LMF1: variants seen among roughly 807,000 people sequenced by gnomAD.
LMF1 encodes the protein transmembrane protein 112.
A neutral mutation model predicts 60.6 loss-of-function variants in LMF1; 68 were observed. The observed-to-expected ratio is 1.12, with a 90% CI of 0.92 to 1.37. LMF1 has a LOEUF of 1.37. Among genes scored for constraint, LMF1 ranks in the 40% most tolerant of loss-of-function variants. The pLI, the probability that LMF1 is intolerant of heterozygous loss-of-function variation, is 0.00. For synonymous variants in LMF1, 418 were observed against 324.7 expected (o/e 1.29, Z -3.09); for missense variants, 948 against 767.2 (o/e 1.24, Z -2.78).
chr16:887,098 G>A (rs1426271361), intron 5 of LMF1: 3 of 152,004 alleles, frequency 2.0e-5, no homozygotes, highest in African/African-American at 7.2e-5. Flanking sequence ...CCACATTAGC[G>A]GGCCCCCATA....
intron 3 of LMF1, among the ~76,000 whole-genome samples, chr16:931,192 G>A (rs772628906): frequency 2.6e-5 from 4 of 152,110 alleles, no homozygotes; most frequent in Non-Finnish European, 5.9e-5. Context: ...CACATGAGGT[G>A]CAGCCAACGC....
intron 1 of LMF1, among the ~76,000 whole-genome samples, chr16:958,862 C>T (rs549787832): frequency 9.2e-5 from 14 of 151,728 alleles, no homozygotes; most frequent in African/African-American, 2.4e-4. Context: ...ACTCCAGCCT[C>T]GGCGACAGAG....
intron 1 of LMF1, among the ~76,000 whole-genome samples, chr16:967,988 C>T (rs2072960576): frequency 6.6e-6 from 1 of 152,240 alleles, no homozygotes; most frequent in Middle Eastern, 3.2e-3. Flanking sequence ...ACTCTGAGCC[C>T]TGTGAAAATG....
chr16:934,734 T>C (rs2151787883), intron 2 of LMF1, among the ~76,000 whole-genome samples: 1 of 152,362 alleles, frequency 6.6e-6, no homozygotes, highest in South Asian at 2.1e-4. Context: ...TCAGTGATGC[T>C]GTGACCCGCT....
chr16:888,019 AGTC>A (rs1231873992), intron 5 of LMF1, among the ~76,000 whole-genome samples: 2 of 152,116 alleles, frequency 1.3e-5, no homozygotes, highest in Admixed American at 6.5e-5. Context: ...CCCAGCGGTG[AGTC>A]GACTCTGGGG....
intron 1 of LMF1, among the ~76,000 whole-genome samples, chr16:959,101 G>C (rs1044799125): frequency 6.6e-6 from 1 of 152,112 alleles, no homozygotes; most frequent in African/African-American, 2.4e-5. Context: ...AAGTGTGCTC[G>C]CACAGAAGCC....
chr16:854,083 A>G lies in LMF1; in HGVS notation c.*449T>C, dbSNP rs1169914210. On this transcript the variant is annotated 3_prime_UTR_variant, in exon 11 of 11. Transcript: ENST00000262301. Reference sequence around the variant, plus strand: ...CAGACGTGACAGGGACTTGGCTCTGAGGGTCAGGACCTGGCTGGGAACACA... The same window carrying G: ...CAGACGTGACAGGGACTTGGCTCTGGGGGTCAGGACCTGGCTGGGAACACA... The G allele has an allele frequency of 2.2e-6, 1 of 456,734 alleles. No individual in the cohort carries two copies. The highest frequency in any genetic ancestry group is 2.3e-5 in the Admixed American group (1 of 42,638). The allele number at this position is 456,734 out of a possible 1,614,324, so 28.3% of individuals were successfully genotyped here.
At position 870,836 on chromosome 16, in the gene LMF1, C is replaced by A. The variant is rs754873251; in HGVS notation, c.1125G>T (p.Leu375=). The change falls in exon 8 of 11, where the codon CTG becomes CTT. Residue 375 remains leucine (L), a synonymous_variant. Coordinates refer to ENST00000262301, the MANE Select transcript of LMF1 (RefSeq NM_022773.4). ...RAANVSLGVL[L]AWLSVPVVLN... ...GGACCACGGGCACGCTGAGCCAGGC[C>A]AGCAGGACGCCCAGCGAGACGTTGG... The A allele has an allele frequency of 1.6e-5, 25 of 1,612,004 alleles. 1 individual carries two copies. In the Admixed American group the frequency reaches 4.2e-4, roughly 27 times the overall value.
intron 1 of LMF1, among the ~76,000 whole-genome samples, chr16:957,213 TAAC>T (rs373396909): frequency 4.6e-5 from 7 of 152,176 alleles, no homozygotes; most frequent in Non-Finnish European, 5.9e-5. Flanking sequence ...TGCATAATGA[TAAC>T]AATATCACAA....
In LMF1 at chr16:878,204, G is replaced by A. The variant is rs1220095618; in HGVS notation, c.897+1366C>T. On this transcript the variant is annotated intron_variant, in intron 6 of 10. Transcript: ENST00000262301. The surrounding 1 kb of genome is among the most constrained non-coding windows in gnomAD (Gnocchi z 5.2). ...ATTCCAGGAGCCCTGAGCAGCTGCA[G>A]AGAGAAACGTGCGGTCCTGGCTGGG... Among the ~76,000 whole-genome samples the A allele has an allele frequency of 6.6e-6, 1 of 152,196 alleles. No homozygotes were observed. Among genetic ancestry groups the A allele is most frequent in the Non-Finnish European group, 1.5e-5 (1 of 68,042 alleles).
intron 10 of LMF1, among the ~76,000 whole-genome samples, chr16:860,511 T>G (rs1259401779): frequency 1.3e-5 from 2 of 152,098 alleles, no homozygotes; most frequent in Non-Finnish European, 2.9e-5. Context: ...TGCTAATTTT[T>G]TGTGTTTTTA....
At position 876,153 on chromosome 16, in the gene LMF1, G is replaced by C. The variant is rs964365732; in HGVS notation, c.897+3417C>G. Among the ~76,000 whole-genome samples, 6 of 152,254 alleles carry C rather than the reference G, an allele frequency of 3.9e-5. No individual in the cohort carries two copies. The East Asian group carries it at 7.7e-4, about 20-fold the overall frequency. ...CAGAGGCTGAGTGGAGAAACAAACCGGGGCACGTGCGGACCACGGGCGTCT... is the reference window on the plus strand; with the variant it reads ...CAGAGGCTGAGTGGAGAAACAAACCCGGGCACGTGCGGACCACGGGCGTCT... On this transcript the variant is annotated intron_variant, in intron 6 of 10. Transcript: ENST00000262301.
intron 3 of LMF1, among the ~76,000 whole-genome samples, chr16:915,938 G>C (rs1432532310): frequency 6.6e-6 from 1 of 152,190 alleles, no homozygotes; most frequent in Non-Finnish European, 1.5e-5. Flanking sequence ...GTGACACCCA[G>C]GCGCTGCCTG....
rs142224154 is a variant in LMF1 at position 869,874 on chromosome 16, G to A, written c.1416+9C>T. The stretch of plus-strand genomic sequence containing the variant: ...CAGGTCCATGCGCCCGCCAGGGACC[G>A]TCCCCCACCTGGAAGGCCGCGAACC... On this transcript the variant is annotated intron_variant, in intron 9 of 10. Coordinates refer to ENST00000262301, the MANE Select transcript of LMF1 (RefSeq NM_022773.4). 6.4e-4 allele frequency: 1,027 copies of A among 1,609,266 alleles called. 12 individuals are homozygous for A. The East Asian group carries it at 0.019, about 29-fold the overall frequency.
chr16:944,118 T>C (rs182933108), intron 2 of LMF1, among the ~76,000 whole-genome samples: 1 of 152,258 alleles, frequency 6.6e-6, no homozygotes, highest in Admixed American at 6.5e-5. Flanking sequence ...GTGGCCTTTC[T>C]GGGGGCATGC....
At chr16:969,455 G>T (rs113961535) in intron 1 of LMF1, among the ~76,000 whole-genome samples, 9,479 of 152,326 alleles carry the variant, frequency 0.062, 361 homozygotes, top group Non-Finnish European at 0.087. Flanking sequence ...CCAGGAGGTG[G>T]AAAGTATCAC....
intron 4 of LMF1, among the ~76,000 whole-genome samples, chr16:894,803 T>C (rs2070615698): frequency 6.6e-6 from 1 of 152,196 alleles, no homozygotes; most frequent in African/African-American, 2.4e-5. Context: ...AGTGCTCCCC[T>C]CCGTGGGCGT....
At chr16:951,578 C>T (rs1281010735) in intron 2 of LMF1, among the ~76,000 whole-genome samples, 1 of 152,194 alleles carries the variant, frequency 6.6e-6, no homozygotes, top group Non-Finnish European at 1.5e-5. Context: ...TTGCCAAACC[C>T]CCAGATGTTT....
At chr16:921,950 C>T (rs1159714126) in intron 3 of LMF1, among the ~76,000 whole-genome samples, 9 of 152,126 alleles carry the variant, frequency 5.9e-5, no homozygotes, top group Non-Finnish European at 2.9e-5. Flanking sequence ...ATAGGCTTAG[C>T]CGCTGAGAGG....
Sources: allele counts gnomAD v4.1 joint callset (sites outside exome capture counted in the v4.1 genomes callset), GRCh38; gene constraint gnomAD v4.1.1; non-coding constraint Gnocchi (gnomAD v3.1); transcripts MANE v1.5; gene names NCBI Gene and HGNC (gene_info 2026-07-23, HGNC 2026-07-21).